Variants in AK5 observed in about 807,000 individuals in gnomAD.
AK5 encodes the protein adenylate kinase isoenzyme 5.
AK5 carries 27 observed loss-of-function variants against 69.5 expected under a neutral mutation model. The observed-to-expected ratio is 0.39, with a 90% CI of 0.29 to 0.54. The LOEUF (loss-of-function observed/expected upper bound fraction) is 0.54. AK5 is among the 20% of genes least tolerant of loss of function. The pLI is 0.71. For missense variants in AK5, 531 were observed against 700.4 expected (o/e 0.76, Z 2.73); for synonymous variants, 260 against 244.4 (o/e 1.06, Z -0.60).
At chr1:77,413,687 C>T (rs1650197475) in intron 7 of AK5, among the ~76,000 whole-genome samples, 1 of 152,216 alleles carries the variant, frequency 6.6e-6, no homozygotes. Context: ...GTGGTTGTCA[C>T]ATTGAAAAGG....
intron 8 of AK5, among the ~76,000 whole-genome samples, chr1:77,430,318 G>A (rs1356943185): frequency 6.6e-6 from 1 of 152,184 alleles, no homozygotes; most frequent in East Asian, 1.9e-4. Context: ...CCAACAGGGG[G>A]TGAGCTGTTG....
intron 12 of AK5, among the ~76,000 whole-genome samples, chr1:77,528,289 C>T (rs1289958651): frequency 2.0e-5 from 3 of 152,142 alleles, no homozygotes; most frequent in Non-Finnish European, 4.4e-5. Context: ...TCCCCTAGTG[C>T]ATCAGGCCTG....
intron 6 of AK5, among the ~76,000 whole-genome samples, chr1:77,367,589 T>TTATATATATAA (rs374382779): frequency 2.3e-5 from 1 of 43,594 alleles, no homozygotes; most frequent in African/African-American, 8.0e-5. Flanking sequence ...AATATATATG[T>TTATATATATAA]TATATATGTA....
intron 8 of AK5, among the ~76,000 whole-genome samples, chr1:77,474,640 G>T (rs1336994769): frequency 6.6e-6 from 1 of 152,110 alleles, no homozygotes; most frequent in East Asian, 1.9e-4. Context: ...ACTGGAGAAG[G>T]AGTTGTCAGT....
At chr1:77,461,541 G>A (rs1653842888) in intron 8 of AK5, among the ~76,000 whole-genome samples, 1 of 151,666 alleles carries the variant, frequency 6.6e-6, no homozygotes. Flanking sequence ...GGAGGCCTAG[G>A]TGGGCAGATC....
intron 13 of AK5, among the ~76,000 whole-genome samples, chr1:77,557,602 T>G (rs139470934): frequency 1.3e-5 from 2 of 152,248 alleles, no homozygotes; most frequent in African/African-American, 4.8e-5. Flanking sequence ...GGACTCTACC[T>G]TAGCACACCT....
chr1:77,283,040 T>A, intron 1 of AK5: 1 of 985,520 alleles, frequency 1.0e-6, no homozygotes, highest in African/African-American at 1.7e-5. Flanking sequence ...CACCTGGAGA[T>A]AGCGGGTCGG....
chr1:77,348,300 T>G (rs1281165698), intron 6 of AK5, among the ~76,000 whole-genome samples: 1 of 152,086 alleles, frequency 6.6e-6, no homozygotes, highest in Admixed American at 6.6e-5. Flanking sequence ...ATTAAGAAAA[T>G]TCTGTGTGTT....
At chr1:77,316,086 G>A (rs1660228116) in intron 5 of AK5, among the ~76,000 whole-genome samples, 1 of 152,106 alleles carries the variant, frequency 6.6e-6, no homozygotes, top group Admixed American at 6.5e-5. Context: ...TTTTTACCAC[G>A]ATCATAGTGG....
At chr1:77,529,173 TCTGC>T (rs1003268184) in intron 12 of AK5, among the ~76,000 whole-genome samples, 4 of 152,210 alleles carry the variant, frequency 2.6e-5, no homozygotes, top group African/African-American at 9.7e-5. Flanking sequence ...CAAGCTTTGT[TCTGC>T]CTGTTTTTGC....
At chr1:77,384,947 A>C (rs1647901944) in intron 6 of AK5, among the ~76,000 whole-genome samples, 1 of 152,100 alleles carries the variant, frequency 6.6e-6, no homozygotes, top group African/African-American at 2.4e-5. Flanking sequence ...CCTGGGTGCA[A>C]GTCCTAGCTC....
chr1:77,334,581 T>C (rs1431150275), intron 5 of AK5, among the ~76,000 whole-genome samples: 1 of 152,176 alleles, frequency 6.6e-6, no homozygotes, highest in Non-Finnish European at 1.5e-5. Flanking sequence ...ATGTCTCAGG[T>C]GTCTCTTTTG....
Position 77,486,329 on chromosome 1 carries a change from A to C in AK5, c.1124A>C (p.Lys375Thr). 6.3e-7 allele frequency: 1 copy of C among 1,579,624 alleles called. No individual in the cohort carries two copies. The highest frequency in any genetic ancestry group is 1.1e-5 in the South Asian group (1 of 89,640). The change falls in exon 10 of 14, where the codon AAG becomes ACG. Residue 375 changes from lysine (K) to threonine (T), a missense_variant. Physicochemically the swap from Lys to Thr is moderately conservative, Grantham distance 78. Coordinates refer to ENST00000354567, the MANE Select transcript of AK5 (RefSeq NM_174858.3). ...TMGGFMEDLR[K>T]CKIIFIIGGP... ...AAAGGTTTCATGGAAGATTTGAGAA[A>C]GTGTAAAATTATTTTCATAATTGGT...
chr1:77,439,343 A>G (rs1409841587), intron 8 of AK5, among the ~76,000 whole-genome samples: 3 of 152,222 alleles, frequency 2.0e-5, no homozygotes, highest in Non-Finnish European at 2.9e-5. Context: ...GTGCACGCAT[A>G]CAATGTGTAA....
chr1:77,367,977 G>A (rs1242424437), intron 6 of AK5, among the ~76,000 whole-genome samples: 1 of 107,118 alleles, frequency 9.3e-6, no homozygotes, highest in African/African-American at 3.4e-5. Flanking sequence ...CAGAGCCTTG[G>A]CATTTCTGAA....
intron 8 of AK5, among the ~76,000 whole-genome samples, chr1:77,450,962 G>A (rs3112826): frequency 0.26 from 39,393 of 151,970 alleles, 5,349 homozygotes; most frequent in South Asian, 0.4. Context: ...TATCATTTGA[G>A]CCCAGGAGTT....
At chr1:77,341,090 T>C (rs1362475035) in intron 6 of AK5, among the ~76,000 whole-genome samples, 1 of 152,250 alleles carries the variant, frequency 6.6e-6, no homozygotes, top group Non-Finnish European at 1.5e-5. Context: ...TGGGAGGTAG[T>C]CACCCTTCTG....
chr1:77,531,929 C>G (rs1390949369), intron 12 of AK5, among the ~76,000 whole-genome samples: 1 of 151,906 alleles, frequency 6.6e-6, no homozygotes, highest in Non-Finnish European at 1.5e-5. Flanking sequence ...TAAGGCCCGG[C>G]GAGAAATCGA....
intron 13 of AK5, among the ~76,000 whole-genome samples, chr1:77,538,560 G>T (rs1659107757): frequency 6.6e-6 from 1 of 150,490 alleles, no homozygotes; most frequent in Non-Finnish European, 1.5e-5. Flanking sequence ...TAAGGCAGAA[G>T]AATTGCTTGA....
Sources: gnomAD v4.1 joint callset for allele counts (sites outside exome capture counted in the v4.1 genomes callset) on GRCh38, gnomAD v4.1.1 for gene constraint, MANE v1.5 for transcripts, NCBI Gene and HGNC (gene_info 2026-07-23, HGNC 2026-07-21) for gene names.